The following LGALS16 variants were observed in gnomAD, a reference collection of about 807,000 sequenced individuals.
LGALS16 encodes galectin 16.
Under a neutral mutation model 13.2 loss-of-function variants are expected in LGALS16, and 15 were observed. That is an observed-to-expected ratio of 1.13 (90% CI 0.76 to 1.75). LGALS16 has a LOEUF of 1.75. Ranked by LOEUF, LGALS16 falls within the 40% of genes most tolerant of loss-of-function variation. The probability of loss-of-function intolerance (pLI) is 0.00; values close to 1 mark genes in which losing one functional copy is unlikely to be tolerated. For synonymous variants in LGALS16, 66 were observed against 65.4 expected (o/e 1.01, Z -0.05); for missense variants, 198 against 178.4 (o/e 1.11, Z -0.63).
Position 39,660,320 on chromosome 19 carries a change from T to C in LGALS16, c.304-75T>C. 16 of 1,441,826 alleles carry C rather than the reference T, an allele frequency of 1.1e-5. No individual in the cohort carries two copies. The South Asian group carries it at 1.9e-4, about 17-fold the overall frequency. 89.3% of individuals were successfully genotyped at this position (1,441,826 alleles called of 1,614,324 possible). Reference sequence around the variant, plus strand: ...TTTTCTTGGGGAATGTTATTGGTACTAGGGCAGAGTAGAGAAGAGGCTGAA... The same window carrying C: ...TTTTCTTGGGGAATGTTATTGGTACCAGGGCAGAGTAGAGAAGAGGCTGAA... On this transcript the variant is annotated intron_variant, in intron 3 of 3. Coordinates refer to ENST00000392051, the MANE Select transcript of LGALS16 (RefSeq NM_001190441.3).
At chr19:39,657,851 G>A in intron 1 of LGALS16, 32 bp from the exon 2 acceptor site, 1 of 1,609,658 alleles carries the variant, frequency 6.2e-7, no homozygotes, top group Non-Finnish European at 8.5e-7. Context: ...ACCTGACCCT[G>A]CACCTCTCAC....
At chr19:39,656,421 G>C (rs980910616) in intron 1 of LGALS16, among the ~76,000 whole-genome samples, 6 of 152,126 alleles carry the variant, frequency 3.9e-5, no homozygotes, top group African/African-American at 1.4e-4. Flanking sequence ...GGCTCTGTGT[G>C]ACTGTGGGTG....
Position 39,660,644 on chromosome 19 carries a change from C to G in LGALS16, c.*124C>G. ...CTTGGTCATTAAAACAGCACCAAACCGTACATGATTTGGTTCTTGCTTTAA... is the reference window on the plus strand; with the variant it reads ...CTTGGTCATTAAAACAGCACCAAACGGTACATGATTTGGTTCTTGCTTTAA... On this transcript the variant is annotated 3_prime_UTR_variant, in exon 4 of 4. Transcript: ENST00000392051. The G allele has an allele frequency of 2.5e-6, 2 of 813,600 alleles. No homozygotes were observed. The highest frequency in any genetic ancestry group is 3.8e-6 in the Non-Finnish European group (2 of 526,288). The allele number at this position is 813,600 out of a possible 1,614,324, so 50.4% of individuals were successfully genotyped here.
chr19:39,657,070 C>G (rs546799613), intron 1 of LGALS16, among the ~76,000 whole-genome samples: 10 of 152,190 alleles, frequency 6.6e-5, no homozygotes, highest in African/African-American at 2.4e-4. Flanking sequence ...TGAGGCCAGT[C>G]TGGGTATCAT....
chr19:39,660,343 G>T (rs543116173), intron 3 of LGALS16, 52 bp from the exon 4 acceptor site: 387 of 1,534,248 alleles, frequency 2.5e-4, no homozygotes, highest in Admixed American at 2.2e-4. Flanking sequence ...AGAAGAGGCT[G>T]AAAACTTGTT....
Position 39,660,576 on chromosome 19 carries a change from A to G in LGALS16, c.*56A>G. 6.8e-7 allele frequency: 1 copy of G among 1,477,296 alleles called. No individual in the cohort carries two copies. The highest frequency in any genetic ancestry group is 2.4e-5 in the East Asian group (1 of 41,464). 91.5% of individuals were successfully genotyped at this position (1,477,296 alleles called of 1,614,324 possible). On this transcript the variant is annotated 3_prime_UTR_variant, in exon 4 of 4. Coordinates refer to ENST00000392051, the MANE Select transcript of LGALS16 (RefSeq NM_001190441.3). ...TTCTACCTGACCATGGGATTCCTAG[A>G]GCCTGCTAACAGAATAATCCCTCCT...
At chr19:39,660,353 TG>T (rs973251131) in intron 3 of LGALS16, 41 bp from the exon 4 acceptor site, 14 of 1,537,232 alleles carry the variant, frequency 9.1e-6, no homozygotes, top group Non-Finnish European at 1.2e-5. Context: ...GAAAACTTGT[TG>T]GGTGGCATAC....
intron 1 of LGALS16, among the ~76,000 whole-genome samples, chr19:39,656,591 T>C (rs921715514): frequency 1.3e-5 from 2 of 152,158 alleles, no homozygotes; most frequent in African/African-American, 4.8e-5. Flanking sequence ...GGTAGGGATC[T>C]TGGAGATTGT....
At chr19:39,657,984 G>T in intron 2 of LGALS16, 25 bp downstream of exon 2, 1 of 1,611,300 alleles carries the variant, frequency 6.2e-7, no homozygotes, top group South Asian at 1.1e-5. Flanking sequence ...GTCCAATGGA[G>T]GGGGTGGAGG....
chr19:39,658,421 G>A (rs754703401), intron 2 of LGALS16, 39 bp from the exon 3 acceptor site: 1 of 1,513,046 alleles, frequency 6.6e-7, no homozygotes, highest in South Asian at 1.2e-5. Flanking sequence ...TCTGTGCAAT[G>A]AAGGAACCTG....
chr19:39,656,643 A>ATG (rs1422703942), intron 1 of LGALS16, among the ~76,000 whole-genome samples: 4 of 152,040 alleles, frequency 2.6e-5, no homozygotes, highest in African/African-American at 9.7e-5. Context: ...TGAGAGCAGA[A>ATG]TGTATGATCA....
chr19:39,657,958 A>G lies in LGALS16; in HGVS notation c.91A>G (p.Ile31Val), dbSNP rs113930745. 1.9e-5 allele frequency: 31 copies of G among 1,613,890 alleles called. 1 individual carries two copies. In the African/African-American group the frequency reaches 3.1e-4, roughly 16 times the overall value. Reference sequence around the variant, plus strand: ...CAAAGGGACACTGATCGACTCTTCTATGTGAGTACTCCATGGTCCAATGGA... The same window carrying G: ...CAAAGGGACACTGATCGACTCTTCTGTGTGAGTACTCCATGGTCCAATGGA... ...IIKGTLIDSS[I>V]NEPQLQVDFY... Residue 31 changes from isoleucine (I) to valine (V), a missense_variant and splice_region_variant, in exon 2 of 4, where the codon ATC becomes GTC. By Grantham distance (29) the Ile-to-Val change is conservative. Coordinates refer to ENST00000392051, the MANE Select transcript of LGALS16 (RefSeq NM_001190441.3).
At chr19:39,658,721 A>ACTCCTGCTCTG in intron 3 of LGALS16, 51 bp downstream of exon 3, 1 of 1,204,438 alleles carries the variant, frequency 8.3e-7, no homozygotes, top group Non-Finnish European at 1.2e-6. Flanking sequence ...ATCCCAGAGC[A>ACTCCTGCTCTG]GGAGTCAGCT....
chr19:39,656,002 A>G (rs758721667), intron 1 of LGALS16, 26 bp downstream of exon 1: 38 of 1,611,894 alleles, frequency 2.4e-5, no homozygotes, highest in Non-Finnish European at 1.7e-6. Context: ...ACAGCCTTCA[A>G]TAATCTCAAG....
In LGALS16 at chr19:39,655,953, G is replaced by A. The variant is rs1396988482; in HGVS notation, c.-9G>A. 8.1e-6 allele frequency: 13 copies of A among 1,613,562 alleles called. No homozygotes were observed. Among genetic ancestry groups the A allele is most frequent in the Non-Finnish European group, 1.1e-5 (13 of 1,179,926 alleles). Reference sequence around the variant, plus strand: ...CACAATTCCGAAGGTCGCCCAGAAGGAGAGGACAATGTCATTTCTAACTGT... The same window carrying A: ...CACAATTCCGAAGGTCGCCCAGAAGAAGAGGACAATGTCATTTCTAACTGT... On this transcript the variant is annotated 5_prime_UTR_variant, in exon 1 of 4. Transcript: ENST00000392051.
At chr19:39,656,604 G>C (rs1246359622) in intron 1 of LGALS16, among the ~76,000 whole-genome samples, 1 of 152,100 alleles carries the variant, frequency 6.6e-6, no homozygotes, top group Non-Finnish European at 1.5e-5. Flanking sequence ...GAGATTGTGA[G>C]TTACCAAGGA....
chr19:39,658,825 G>T (rs1193683585), intron 3 of LGALS16, among the ~76,000 whole-genome samples, 155 bp downstream of exon 3: 1 of 152,068 alleles, frequency 6.6e-6, no homozygotes, highest in African/African-American at 2.4e-5. Flanking sequence ...TGCTTGCACT[G>T]CCGTCCTCAG....
Position 39,657,979 on chromosome 19 carries a change from A to G in LGALS16, c.92+20A>G, listed in dbSNP as rs766483155. 26 of 1,612,438 alleles carry G rather than the reference A, an allele frequency of 1.6e-5. No homozygotes were observed. The highest frequency in any genetic ancestry group is 1.6e-4 in the Middle Eastern group (1 of 6,082). The stretch of plus-strand genomic sequence containing the variant: ...TTCTATGTGAGTACTCCATGGTCCA[A>G]TGGAGGGGGTGGAGGAGAAAGGAGA... On this transcript the variant is annotated intron_variant, in intron 2 of 3. Coordinates refer to ENST00000392051, the MANE Select transcript of LGALS16 (RefSeq NM_001190441.3).
chr19:39,657,811 A>G, intron 1 of LGALS16, 72 bp from the exon 2 acceptor site: 1 of 1,545,502 alleles, frequency 6.5e-7, no homozygotes, highest in South Asian at 1.1e-5. Context: ...CTCCTGCACC[A>G]TGGGAATATG....
Sources: allele counts gnomAD v4.1 joint callset (sites outside exome capture counted in the v4.1 genomes callset), GRCh38; gene constraint gnomAD v4.1.1; transcripts MANE v1.5; gene names NCBI Gene and HGNC (gene_info 2026-07-23, HGNC 2026-07-21).